The following BACH2 variants were observed in gnomAD, a reference collection of about 807,000 sequenced individuals.
BACH2 encodes the protein BACH transcriptional regulator 2, also known as transcription regulator protein BACH2.
Under a neutral mutation model 61.8 loss-of-function variants are expected in BACH2, and 5 were observed. The ratio of observed to expected loss-of-function variants is 0.08; its 90% confidence interval spans 0.04 to 0.17. BACH2 has a LOEUF of 0.17. Ranked by LOEUF, BACH2 falls within the 10% of genes least tolerant of loss-of-function variation. The pLI is 1.00. For missense variants in BACH2, 824 were observed against 1,091.1 expected (o/e 0.76, Z 3.45); for synonymous variants, 446 against 440.1 (o/e 1.01, Z -0.17).
At chr6:89,953,322 C>T (rs1459959139) in intron 6 of BACH2, 1 of 152,222 alleles carries the variant, frequency 6.6e-6, no homozygotes, top group Non-Finnish European at 1.5e-5. Context: ...CAGGGCAGCA[C>T]TGATTTCATA....
intron 2 of BACH2, among the ~76,000 whole-genome samples, chr6:90,262,258 T>C (rs1425947522): frequency 1.3e-5 from 2 of 152,210 alleles, no homozygotes; most frequent in African/African-American, 2.4e-5. Flanking sequence ...TATGGGCTCT[T>C]TGCCCAAAAT....
At chr6:89,981,524 A>T (rs569580300) in intron 6 of BACH2, among the ~76,000 whole-genome samples, 1 of 152,238 alleles carries the variant, frequency 6.6e-6, no homozygotes, top group South Asian at 2.1e-4. Flanking sequence ...AAAACTGCCA[A>T]TCGATATTCA....
chr6:90,269,427 C>A (rs552855105), intron 2 of BACH2, among the ~76,000 whole-genome samples: 1 of 152,246 alleles, frequency 6.6e-6, no homozygotes, highest in East Asian at 1.9e-4. Context: ...TTTCTTCTCC[C>A]CTTCCTAAAT....
At chr6:90,274,131 A>T (rs905671) in intron 1 of BACH2, among the ~76,000 whole-genome samples, 40,940 of 152,154 alleles carry the variant, frequency 0.27, 6,043 homozygotes, top group Non-Finnish European at 0.34. Context: ...TATTCTGAAA[A>T]GGGCTTTTCC....
chr6:90,071,110 CA>C (rs1276803518), intron 5 of BACH2, among the ~76,000 whole-genome samples: 1 of 152,172 alleles, frequency 6.6e-6, no homozygotes. Flanking sequence ...CTTGGCTGCC[CA>C]AAGCATTGGA....
chr6:90,210,558 C>T (rs1349758598), intron 3 of BACH2, among the ~76,000 whole-genome samples: 1 of 152,076 alleles, frequency 6.6e-6, no homozygotes, highest in African/African-American at 2.4e-5. Flanking sequence ...AAATCTACAG[C>T]TTAAAAAAGG....
chr6:90,295,368 T>C (rs946302360), intron 1 of BACH2, among the ~76,000 whole-genome samples: 1 of 152,106 alleles, frequency 6.6e-6, no homozygotes, highest in African/African-American at 2.4e-5. Context: ...ACACACTCAC[T>C]CCCGGCCCTG....
At chr6:90,284,377 C>G (rs921554370) in intron 1 of BACH2, among the ~76,000 whole-genome samples, 14 of 152,206 alleles carry the variant, frequency 9.2e-5, no homozygotes, top group African/African-American at 3.4e-4. Flanking sequence ...CTCTGACTCG[C>G]ATTTTCTGTT....
At chr6:90,269,954 CATTAT>C (rs1315717811) in intron 2 of BACH2, among the ~76,000 whole-genome samples, 1 of 152,042 alleles carries the variant, frequency 6.6e-6, no homozygotes, top group Non-Finnish European at 1.5e-5. Context: ...CTCCAGAGTC[CATTAT>C]ATCATTCTTA....
chr6:90,192,104 C>A (rs1768594741), intron 4 of BACH2, among the ~76,000 whole-genome samples: 1 of 152,112 alleles, frequency 6.6e-6, no homozygotes, highest in South Asian at 2.1e-4. Context: ...AATAAGACAG[C>A]AATATAGTGG....
intron 3 of BACH2, among the ~76,000 whole-genome samples, chr6:90,210,056 T>C (rs1769289644): frequency 6.6e-6 from 1 of 152,132 alleles, no homozygotes; most frequent in Non-Finnish European, 1.5e-5. Flanking sequence ...ATTAAGAATG[T>C]CATACAACTG....
At chr6:90,164,518 A>G in intron 4 of BACH2, among the ~76,000 whole-genome samples, 1 of 152,048 alleles carries the variant, frequency 6.6e-6, no homozygotes, top group East Asian at 1.9e-4. Context: ...TTCTGAAACT[A>G]TTCCAATCAA....
At chr6:90,015,297 T>C (rs1230309704) in intron 5 of BACH2, among the ~76,000 whole-genome samples, 2 of 152,172 alleles carry the variant, frequency 1.3e-5, no homozygotes, top group African/African-American at 4.8e-5. Context: ...CTCATTGTTA[T>C]ATCCTTTATT....
intron 3 of BACH2, among the ~76,000 whole-genome samples, chr6:90,239,607 T>C (rs1437948690): frequency 1.3e-5 from 2 of 152,192 alleles, no homozygotes; most frequent in African/African-American, 4.8e-5. Context: ...TCTGGCAATA[T>C]GCACATATTT....
chr6:90,165,152 T>G (rs572286961), intron 4 of BACH2, among the ~76,000 whole-genome samples: 1 of 152,210 alleles, frequency 6.6e-6, no homozygotes, highest in Non-Finnish European at 1.5e-5. Context: ...CATGATTGTA[T>G]ATCTAGAAAA....
At chr6:90,167,480 C>CA (rs1160207365) in intron 4 of BACH2, among the ~76,000 whole-genome samples, 1 of 152,168 alleles carries the variant, frequency 6.6e-6, no homozygotes, top group Non-Finnish European at 1.5e-5. Flanking sequence ...TTCAGCCTCT[C>CA]AAATAGCTGG....
intron 6 of BACH2, among the ~76,000 whole-genome samples, chr6:89,977,268 C>A (rs1240294890): frequency 6.6e-6 from 1 of 152,030 alleles, no homozygotes; most frequent in East Asian, 1.9e-4. Flanking sequence ...ATATTTGAAC[C>A]TAAAGCCATG....
intron 4 of BACH2, among the ~76,000 whole-genome samples, chr6:90,094,857 A>G (rs961837138): frequency 1.4e-5 from 2 of 147,608 alleles, no homozygotes; most frequent in South Asian, 2.2e-4. Flanking sequence ...CTCTTCCACA[A>G]CTATACACAC....
intron 2 of BACH2, among the ~76,000 whole-genome samples, chr6:90,254,146 T>C (rs954217434): frequency 1.0e-4 from 15 of 150,714 alleles, no homozygotes; most frequent in Non-Finnish European, 1.9e-4. Flanking sequence ...AGATAAGACA[T>C]ACTAGAAAAA....
Sources: allele counts gnomAD v4.1 joint callset (sites outside exome capture counted in the v4.1 genomes callset), GRCh38; gene constraint gnomAD v4.1.1; transcripts MANE v1.5; gene names NCBI Gene and HGNC (gene_info 2026-07-23, HGNC 2026-07-21).